Variants in ABCB10 observed in about 807,000 individuals in gnomAD.
ABCB10 encodes the protein ATP-binding cassette sub-family B member 10, mitochondrial.
ABCB10 carries 54 observed loss-of-function variants against 65.4 expected under a neutral mutation model. The ratio of observed to expected loss-of-function variants is 0.83; its 90% CI spans 0.66 to 1.04. The LOEUF is 1.04. Among genes scored for constraint, ABCB10 ranks in the 50% least tolerant of loss-of-function variants. ABCB10 has a pLI of 0.00. For missense variants in ABCB10, 846 were observed against 976.6 expected, an observed-to-expected ratio of 0.87 and a Z score of 1.78; for synonymous variants, 418 against 406.5, an observed-to-expected ratio of 1.03 and a Z score of -0.34.
At position 229,547,685 on chromosome 1, in the gene ABCB10, A is replaced by G. The variant is rs1177482647; in HGVS notation, c.735T>C (p.Asn245=). The G allele has an allele frequency of 6.2e-7, 1 of 1,614,200 alleles. No homozygotes were observed. Among genetic ancestry groups the G allele is most frequent in the Non-Finnish European group, 8.5e-7 (1 of 1,180,018 alleles). ...LMQTSGQRIV[N]RLRTSLFSSI... is the part of the protein sequence containing the mutation. The stretch of plus-strand genomic sequence containing the variant: ...AGGAGAATAATGAAGTTCTCAGCCT[A>G]TTCACAATGCGCTGACCTGCAAAAG... The change falls in exon 3 of 13, where the codon AAT becomes AAC. Residue 245 remains asparagine (N), a synonymous_variant. Transcript: ENST00000344517.
At chr1:229,542,480 T>C (rs919639010) in intron 3 of ABCB10, 109 bp from the exon 4 acceptor site, 1 of 1,323,936 alleles carries the variant, frequency 7.6e-7, no homozygotes. Context: ...TGTGTGTGTG[T>C]GTTTAAATTA....
intron 3 of ABCB10, among the ~76,000 whole-genome samples, chr1:229,543,107 GCAA>G (rs1231800532): frequency 7.1e-6 from 1 of 141,452 alleles, no homozygotes; most frequent in Non-Finnish European, 1.5e-5. Context: ...CTCCGCCTGG[GCAA>G]CAAGAGCAAA....
chr1:229,531,520 G>A, intron 7 of ABCB10, 116 bp downstream of exon 7: 1 of 1,016,058 alleles, frequency 9.8e-7, no homozygotes, highest in Non-Finnish European at 1.5e-6. Context: ...CATGCAGCAG[G>A]AGCCACATCC....
chr1:229,520,096 C>G (rs1662268373), intron 11 of ABCB10, among the ~76,000 whole-genome samples: 1 of 152,028 alleles, frequency 6.6e-6, no homozygotes, highest in Admixed American at 6.6e-5. Context: ...GATCACACCA[C>G]TGCACTCCAG....
At chr1:229,529,665 C>G (rs1198208913) in intron 8 of ABCB10, among the ~76,000 whole-genome samples, 1 of 96,822 alleles carries the variant, frequency 1.0e-5, no homozygotes, top group Non-Finnish European at 2.0e-5. Context: ...GCAAGACTGT[C>G]TCAAAAAAAA....
chr1:229,526,218 T>C (rs1662441581), intron 9 of ABCB10, 102 bp from the exon 10 acceptor site: 2 of 1,231,418 alleles, frequency 1.6e-6, no homozygotes, highest in Non-Finnish European at 2.2e-6. Context: ...TGTTTTGCCA[T>C]GAACAGGATT....
chr1:229,530,177 TAC>T lies in ABCB10; in HGVS notation c.1645+20_1645+21del. ...AGAGCTCGGGAGAGTCCCTCGGTGC[TAC>T]AGTGTGGTGAACTGCTTACCAGAAG... On this transcript the variant is annotated intron_variant, in intron 8 of 12. Coordinates refer to ENST00000344517, the MANE Select transcript of ABCB10 (RefSeq NM_012089.3). 6.2e-7 allele frequency: 1 copy of T among 1,612,498 alleles called. No individual in the cohort carries two copies. The highest frequency in any genetic ancestry group is 2.2e-5 in the East Asian group (1 of 44,874).
rs1381149045 is a variant in ABCB10 at position 229,530,106 on chromosome 1, G to A, written c.1645+93C>T. On this transcript the variant is annotated intron_variant, in intron 8 of 12. Coordinates refer to ENST00000344517, the MANE Select transcript of ABCB10 (RefSeq NM_012089.3). ...GAAAAGAAGGTACTCTACAAAATAAGGTATTTGCATGGTTTGAGCATCTCC... is the reference window on the plus strand; with the variant it reads ...GAAAAGAAGGTACTCTACAAAATAAAGTATTTGCATGGTTTGAGCATCTCC... 4 of 1,220,108 alleles carry A rather than the reference G, an allele frequency of 3.3e-6. No individual in the cohort carries two copies. The Admixed American group carries it at 7.3e-5, about 22-fold the overall frequency. The allele number at this position is 1,220,108 out of a possible 1,614,324, so 75.6% of individuals were successfully genotyped here.
At chr1:229,523,038 GTTC>G (rs1398066812) in intron 10 of ABCB10, among the ~76,000 whole-genome samples, 3 of 152,064 alleles carry the variant, frequency 2.0e-5, no homozygotes, top group Non-Finnish European at 4.4e-5. Context: ...TCTTTATGAT[GTTC>G]TTTTTTTCCC....
rs755334081 is a variant in ABCB10, at chr1:229,547,529, C to G, written c.891G>C (p.Gly297=). The G allele has an allele frequency of 6.8e-6, 11 of 1,613,222 alleles. No individual in the cohort carries two copies. The highest frequency in any genetic ancestry group is 3.3e-5 in the South Asian group (3 of 91,046). ...TENLSDGLRA[G]AQASVGISMM... ...TACTGATGCCTACGGAAGCCTGGGCCCCGGCCCTGAGCCCATCTGAGAGGT... is the reference window on the plus strand; with the variant it reads ...TACTGATGCCTACGGAAGCCTGGGCGCCGGCCCTGAGCCCATCTGAGAGGT... Residue 297 remains glycine (G), a synonymous_variant, in exon 3 of 13, where the codon GGG becomes GGC. Coordinates refer to ENST00000344517, the MANE Select transcript of ABCB10 (RefSeq NM_012089.3).
rs1268383862 is a variant in ABCB10 at position 229,527,231 on chromosome 1, GACTC to G, written c.1719_1722del (p.Ser574ArgfsTer24). On this transcript the variant is annotated frameshift_variant, in exon 9 of 13. Transcript: ENST00000344517. LOFTEE classifies it high-confidence loss of function. ...GAAATGGAAGCCTCTCTTCTTACCT[GACTC>G]ACTGTCCCAATTTTGGATCTCAGCC... is the stretch of plus-strand genomic sequence containing the variant. 1 of 1,613,132 alleles carries G rather than the reference GACTC, an allele frequency of 6.2e-7. No individual in the cohort carries two copies. The highest frequency in any genetic ancestry group is 1.7e-5 in the Admixed American group (1 of 59,944).
intron 12 of ABCB10, 101 bp from the exon 13 acceptor site, chr1:229,518,511 T>C (rs1473229011): frequency 8.2e-6 from 8 of 976,150 alleles, no homozygotes; most frequent in East Asian, 7.6e-5. Context: ...ATTTTTACCA[T>C]GATCAAAATT....
chr1:229,546,380 T>C (rs548503124), intron 3 of ABCB10, among the ~76,000 whole-genome samples: 110 of 152,272 alleles, frequency 7.2e-4, no homozygotes, highest in African/African-American at 2.6e-3. Context: ...AGGCTATTAG[T>C]AGTTGAGTTT....
At chr1:229,543,622 G>C (rs1662902303) in intron 3 of ABCB10, among the ~76,000 whole-genome samples, 1 of 152,170 alleles carries the variant, frequency 6.6e-6, no homozygotes, top group Non-Finnish European at 1.5e-5. Flanking sequence ...CCCTCACAGA[G>C]TTTTCATGCA....
chr1:229,550,101 A>G (rs981783737), intron 1 of ABCB10: 3 of 152,364 alleles, frequency 2.0e-5, no homozygotes, highest in African/African-American at 7.2e-5. Context: ...AAATGTCAAT[A>G]AAACATGTGA....
chr1:229,526,747 G>T (rs1160369051), intron 9 of ABCB10, among the ~76,000 whole-genome samples: 1 of 152,232 alleles, frequency 6.6e-6, no homozygotes, highest in African/African-American at 2.4e-5. Context: ...AGGGTCTTGT[G>T]AAAATGGCCT....
rs1662211437 is a variant in ABCB10 at position 229,517,906 on chromosome 1, TATTA to T, written c.*269_*272del. The T allele has an allele frequency of 5.9e-6, 2 of 338,132 alleles. No individual in the cohort carries two copies. The highest frequency in any genetic ancestry group is 6.2e-5 in the East Asian group (1 of 16,036). 20.9% of individuals were successfully genotyped at this position (338,132 alleles called of 1,614,324 possible). ...CAAAAGAAAATGAGGTGCCATGCTA[TATTA>T]ATTAAAATATTCCACAAGAAAAGAA... is the stretch of plus-strand genomic sequence containing the variant. On this transcript the variant is annotated 3_prime_UTR_variant, in exon 13 of 13. Coordinates refer to ENST00000344517, the MANE Select transcript of ABCB10 (RefSeq NM_012089.3).
At chr1:229,531,881 C>G (rs868632449) in intron 6 of ABCB10, 150 bp from the exon 7 acceptor site, 1 of 486,530 alleles carries the variant, frequency 2.1e-6, no homozygotes, top group African/African-American at 2.0e-5. Context: ...TTCCTGGGAA[C>G]TGATACTCAG....
chr1:229,544,776 T>C (rs1197851341), intron 3 of ABCB10, among the ~76,000 whole-genome samples: 1 of 152,208 alleles, frequency 6.6e-6, no homozygotes, highest in Non-Finnish European at 1.5e-5. Flanking sequence ...TGTGGGGCCA[T>C]GATCCAATAG....
Sources: gnomAD v4.1 joint callset for allele counts (sites outside exome capture counted in the v4.1 genomes callset) on GRCh38, gnomAD v4.1.1 for gene constraint, MANE v1.5 for transcripts, NCBI Gene and HGNC (gene_info 2026-07-23, HGNC 2026-07-21) for gene names.